The following SAMTOR variants were observed in gnomAD, a reference collection of about 807,000 sequenced individuals.
SAMTOR encodes S-adenosylmethionine sensor upstream of mTORC1.
chr7:112,922,594 G>A, the SAMTOR span, among the ~76,000 whole-genome samples: 5 of 150,342 alleles, frequency 3.3e-5, no homozygotes, highest in African/African-American at 1.2e-4. Context: ...TGTGGGGAGC[G>A]CCTCTGCCCC....
chr7:112,932,050 C>G, the SAMTOR span, among the ~76,000 whole-genome samples: 1 of 151,878 alleles, frequency 6.6e-6, no homozygotes, highest in Non-Finnish European at 1.5e-5. Flanking sequence ...CTCAGCCTCA[C>G]AAGTAGCTGG....
the SAMTOR span, among the ~76,000 whole-genome samples, chr7:112,922,081 G>C: frequency 1.3e-5 from 2 of 152,080 alleles, no homozygotes; most frequent in South Asian, 2.1e-4. Flanking sequence ...TCAGCCTGCC[G>C]AGTGCCTGCG....
chr7:112,835,387 A>G, the SAMTOR span, among the ~76,000 whole-genome samples: 1 of 152,116 alleles, frequency 6.6e-6, no homozygotes, highest in Non-Finnish European at 1.5e-5. Context: ...GTGGATGGAC[A>G]CTATTAATCT....
the SAMTOR span, chr7:112,939,738 C>T: frequency 6.2e-7 from 1 of 1,601,060 alleles, no homozygotes; most frequent in Non-Finnish European, 8.5e-7. Flanking sequence ...CGGCCGCCGG[C>T]CCCTGGCTCC....
At chr7:112,896,116 G>A in the SAMTOR span, among the ~76,000 whole-genome samples, 3 of 152,162 alleles carry the variant, frequency 2.0e-5, no homozygotes, top group African/African-American at 7.2e-5. Context: ...GGCTTTACTA[G>A]TAGTAGACAG....
the SAMTOR span, among the ~76,000 whole-genome samples, chr7:112,841,974 G>A: frequency 6.6e-6 from 1 of 151,600 alleles, no homozygotes; most frequent in South Asian, 2.1e-4. Context: ...CCATAAAATA[G>A]CTTGTTTTAT....
At chr7:112,922,911 GC>G in the SAMTOR span, among the ~76,000 whole-genome samples, 6 of 111,180 alleles carry the variant, frequency 5.4e-5, no homozygotes, top group Admixed American at 5.6e-4. Context: ...CGGGCCAGCC[GC>G]CCCATCCGTC....
chr7:112,919,815 A>G, the SAMTOR span, among the ~76,000 whole-genome samples: 1 of 152,206 alleles, frequency 6.6e-6, no homozygotes, highest in Non-Finnish European at 1.5e-5. Context: ...AGAATACTAC[A>G]AACACCTCTA....
the SAMTOR span, among the ~76,000 whole-genome samples, chr7:112,894,544 G>T: frequency 6.6e-6 from 1 of 152,148 alleles, no homozygotes; most frequent in Admixed American, 6.5e-5. Flanking sequence ...TGTTGCTGGG[G>T]AGGCCTCACA....
At chr7:112,912,982 G>A in the SAMTOR span, among the ~76,000 whole-genome samples, 31,758 of 152,032 alleles carry the variant, frequency 0.21, 3,817 homozygotes, top group Middle Eastern at 0.4. Flanking sequence ...AAAGCACTAC[G>A]CTAAAATCCA....
At chr7:112,889,701 TCAAA>T in the SAMTOR span, among the ~76,000 whole-genome samples, 5 of 152,110 alleles carry the variant, frequency 3.3e-5, no homozygotes, top group African/African-American at 9.7e-5. Flanking sequence ...ACTTTAGGGC[TCAAA>T]CAAAGGCAAA....
At chr7:112,826,762 T>C in the SAMTOR span, among the ~76,000 whole-genome samples, 4 of 152,198 alleles carry the variant, frequency 2.6e-5, no homozygotes, top group African/African-American at 9.6e-5. Flanking sequence ...CCCTAAGTAC[T>C]ACTTTTGTGA....
At chr7:112,923,625 G>A in the SAMTOR span, among the ~76,000 whole-genome samples, 1 of 152,188 alleles carries the variant, frequency 6.6e-6, no homozygotes, top group Non-Finnish European at 1.5e-5. Flanking sequence ...CATTGTGGAA[G>A]TCAGTGTGGT....
chr7:112,902,780 T>C, the SAMTOR span, among the ~76,000 whole-genome samples: 1 of 152,160 alleles, frequency 6.6e-6, no homozygotes, highest in Non-Finnish European at 1.5e-5. Flanking sequence ...AATTTTATTG[T>C]GGGTTTCTGG....
chr7:112,916,977 A>G, the SAMTOR span, among the ~76,000 whole-genome samples: 1 of 152,196 alleles, frequency 6.6e-6, no homozygotes, highest in African/African-American at 2.4e-5. Flanking sequence ...CAGCTCAAGG[A>G]GGCCTGCCTG....
chr7:112,932,747 G>A, the SAMTOR span, among the ~76,000 whole-genome samples: 1 of 152,190 alleles, frequency 6.6e-6, no homozygotes, highest in African/African-American at 2.4e-5. Flanking sequence ...GTAGGATTCT[G>A]TGCTAGGTGC....
At chr7:112,868,657 CTGTT>C in the SAMTOR span, among the ~76,000 whole-genome samples, 11 of 152,344 alleles carry the variant, frequency 7.2e-5, no homozygotes, top group Non-Finnish European at 2.9e-5. Context: ...AAGTCAGTCA[CTGTT>C]TGGCCACCTG....
At chr7:112,843,232 G>C in the SAMTOR span, among the ~76,000 whole-genome samples, 1 of 151,828 alleles carries the variant, frequency 6.6e-6, no homozygotes, top group South Asian at 2.1e-4. Context: ...TTTCAGAAAT[G>C]CATGAATAAA....
At chr7:112,902,439 C>A in the SAMTOR span, among the ~76,000 whole-genome samples, 50,398 of 80,584 alleles carry the variant, frequency 0.63, 18,227 homozygotes, top group East Asian at 0.77. Flanking sequence ...CAAAAAAAAA[C>A]AAAAAAAAAC....
Sources: gnomAD v4.1 joint callset for allele counts (sites outside exome capture counted in the v4.1 genomes callset) on GRCh38, gnomAD v4.1.1 for gene constraint, MANE v1.5 for transcripts, NCBI Gene and HGNC (gene_info 2026-07-23, HGNC 2026-07-21) for gene names.